The following ACTN4 variants were observed in gnomAD, a reference collection of about 807,000 sequenced individuals.
The protein encoded by ACTN4 is actinin alpha 4.
A neutral mutation model predicts 114.2 loss-of-function variants in ACTN4; 18 were observed. The observed-to-expected ratio is 0.16, with a 90% CI of 0.11 to 0.23. The LOEUF is 0.23. Ranked by LOEUF, ACTN4 falls within the 10% of genes least tolerant of loss-of-function variation. The pLI is 1.00. For missense variants in ACTN4, 722 were observed against 1,262.9 expected (o/e 0.57, Z 6.49); for synonymous variants, 515 against 506.3 (o/e 1.02, Z -0.23).
intron 1 of ACTN4, among the ~76,000 whole-genome samples, chr19:38,661,893 C>T (rs981634197): frequency 5.3e-5 from 8 of 152,196 alleles, no homozygotes; most frequent in Non-Finnish European, 1.0e-4. Context: ...ACCTCGTTAT[C>T]CGCCCGCCTC....
At chr19:38,719,428 C>CA (rs1247330584) in intron 11 of ACTN4, among the ~76,000 whole-genome samples, 1 of 152,262 alleles carries the variant, frequency 6.6e-6, no homozygotes, top group East Asian at 1.9e-4. Flanking sequence ...GCCCTCCTCA[C>CA]ATGAGCTCAG....
At chr19:38,722,915 C>T (rs568916868) in intron 12 of ACTN4, among the ~76,000 whole-genome samples, 3 of 152,286 alleles carry the variant, frequency 2.0e-5, no homozygotes, top group South Asian at 2.1e-4. Flanking sequence ...GAGGGCTGTC[C>T]GGGTCCTGTC....
intron 3 of ACTN4, among the ~76,000 whole-genome samples, chr19:38,704,528 G>C (rs1968389105): frequency 6.6e-6 from 1 of 152,284 alleles, no homozygotes; most frequent in Non-Finnish European, 1.5e-5. Context: ...TGGGGGCCCG[G>C]GGTGCCCCCC....
intron 8 of ACTN4, among the ~76,000 whole-genome samples, chr19:38,713,427 C>G (rs1016247586): frequency 5.9e-5 from 9 of 152,216 alleles, no homozygotes; most frequent in Non-Finnish European, 1.3e-4. Flanking sequence ...AGCTGCAGCC[C>G]TGGCTGTGTT....
chr19:38,679,568 C>CATGTGTGTGTGTGTGTGT (rs1555827862), intron 1 of ACTN4, among the ~76,000 whole-genome samples: 2 of 145,418 alleles, frequency 1.4e-5, no homozygotes, highest in Admixed American at 1.4e-4. Flanking sequence ...TTTGGGTGTG[C>CATGTGTGTGTGTGTGTGT]GTGTGTGTGT....
rs1968228789 is a variant in ACTN4, at chr19:38,700,314, A to T, written c.163-286A>T. ...GGGTGTGGAAAAAGCACATGTTGCC[A>T]AAATTGACAGACCTGGGTTCAAATC... On this transcript the variant is annotated intron_variant, in intron 1 of 20. Transcript: ENST00000252699. Among the ~76,000 whole-genome samples, 2 of 152,184 alleles carry T rather than the reference A, an allele frequency of 1.3e-5. 1 individual carries two copies. Among genetic ancestry groups the T allele is most frequent in the Admixed American group, 1.3e-4 (2 of 15,276 alleles).
intron 1 of ACTN4, among the ~76,000 whole-genome samples, chr19:38,688,121 A>T (rs954215691): frequency 6.6e-6 from 1 of 152,176 alleles, no homozygotes; most frequent in Non-Finnish European, 1.5e-5. Context: ...TCAAAACCAT[A>T]ACGTGGTTGG....
At chr19:38,704,294 CTGTCTCAA>C (rs1352232590) in intron 3 of ACTN4, among the ~76,000 whole-genome samples, 2 of 152,200 alleles carry the variant, frequency 1.3e-5, no homozygotes, top group Non-Finnish European at 2.9e-5. Flanking sequence ...CAGCCAGACC[CTGTCTCAA>C]AAGAAGGAAA....
intron 3 of ACTN4, among the ~76,000 whole-genome samples, chr19:38,702,430 G>A (rs1177831634): frequency 6.6e-6 from 1 of 152,190 alleles, no homozygotes; most frequent in Non-Finnish European, 1.5e-5. Context: ...TGATGAGAGG[G>A]GCCGGAGGCA....
chr19:38,721,513 C>G, intron 11 of ACTN4, 25 bp from the exon 12 acceptor site: 1 of 1,613,304 alleles, frequency 6.2e-7, no homozygotes, highest in South Asian at 1.1e-5. Context: ...GTGCTGTGGT[C>G]TAAGCGTCTC....
chr19:38,674,344 A>G (rs1159589021), intron 1 of ACTN4, among the ~76,000 whole-genome samples: 1 of 152,212 alleles, frequency 6.6e-6, no homozygotes, highest in Non-Finnish European at 1.5e-5. Flanking sequence ...GACAGCAGCC[A>G]GAATGTGCCG....
intron 1 of ACTN4, among the ~76,000 whole-genome samples, chr19:38,682,182 CTTTTCTT>C (rs1165665470): frequency 6.6e-6 from 1 of 152,002 alleles, no homozygotes; most frequent in East Asian, 1.9e-4. Context: ...AAAGCAACTG[CTTTTCTT>C]TTTTCTTTTT....
Position 38,648,970 on chromosome 19 carries a change from GA to G in ACTN4, c.162+1064del, listed in dbSNP as rs1473530482. On this transcript the variant is annotated intron_variant, in intron 1 of 20. Transcript: ENST00000252699. ...CTCATTAGAAAGGGAATGCGTAATGGATAGACTGAGAAAGGAATTTGAGGAG... is the reference window on the plus strand; with the variant it reads ...CTCATTAGAAAGGGAATGCGTAATGGTAGACTGAGAAAGGAATTTGAGGAG... Among the ~76,000 whole-genome samples the G allele has an allele frequency of 2.0e-5, 3 of 152,000 alleles. No individual in the cohort carries two copies. In the East Asian group the frequency reaches 5.8e-4, roughly 30 times the overall value.
chr19:38,690,221 T>C (rs1967878983), intron 1 of ACTN4, among the ~76,000 whole-genome samples: 1 of 152,264 alleles, frequency 6.6e-6, no homozygotes, highest in South Asian at 2.1e-4. Context: ...CTGCACACTC[T>C]TCTGGTCCAC....
intron 1 of ACTN4, among the ~76,000 whole-genome samples, chr19:38,665,347 ATCC>A (rs1378744965): frequency 1.8e-4 from 27 of 152,160 alleles, no homozygotes; most frequent in African/African-American, 6.5e-4. Context: ...GCATCATCCT[ATCC>A]TCAGTTTGAG....
intron 1 of ACTN4, among the ~76,000 whole-genome samples, chr19:38,675,487 G>T (rs769787505): frequency 2.6e-5 from 4 of 152,214 alleles, no homozygotes; most frequent in Non-Finnish European, 4.4e-5. Context: ...CTCCACCTTG[G>T]TCTCCCAAAG....
Position 38,717,232 on chromosome 19 carries a change from G to A in ACTN4, c.1059G>A (p.Leu353=). The A allele has an allele frequency of 6.2e-7, 1 of 1,614,196 alleles. No homozygotes were observed. Among genetic ancestry groups the A allele is most frequent in the East Asian group, 2.2e-5 (1 of 44,866 alleles). The part of the protein sequence containing the change: ...KPPKVQEKCQ[L]EINFNTLQTK... ...CCAAGGTGCAGGAGAAGTGCCAGCT[G>A]GAGATCAACTTCAACACGCTGCAGA... Residue 353 remains leucine, a synonymous_variant, in exon 10 of 21, where the codon CTG becomes CTA. Coordinates refer to ENST00000252699, the MANE Select transcript of ACTN4 (RefSeq NM_004924.6). This position sits in a 1 kb window ranked among gnomAD's most constrained non-coding sequence, Gnocchi z 4.0.
chr19:38,673,984 C>T (rs1967294968), intron 1 of ACTN4, among the ~76,000 whole-genome samples: 1 of 151,140 alleles, frequency 6.6e-6, no homozygotes, highest in Non-Finnish European at 1.5e-5. Context: ...ATTTCACCAT[C>T]TTGGCCAGGC....
Position 38,706,136 on chromosome 19 carries a change from G to A in ACTN4, c.572+5G>A. 6.2e-7 allele frequency: 1 copy of A among 1,613,392 alleles called. No homozygotes were observed. ...TGTGCAGAACTTCCACATCAGGTAAGCGCCAGTCCTGGTCATCCTCTCCTT... is the reference window on the plus strand; with the variant it reads ...TGTGCAGAACTTCCACATCAGGTAAACGCCAGTCCTGGTCATCCTCTCCTT... On this transcript the variant is annotated splice_donor_5th_base_variant and intron_variant, in intron 5 of 20. Transcript: ENST00000252699.
Sources: gnomAD v4.1 joint callset for allele counts (sites outside exome capture counted in the v4.1 genomes callset) on GRCh38, gnomAD v4.1.1 for gene constraint, Gnocchi (gnomAD v3.1) non-coding constraint, MANE v1.5 for transcripts, NCBI Gene and HGNC (gene_info 2026-07-23, HGNC 2026-07-21) for gene names.